The following SCYL1 variants were observed in gnomAD, a reference collection of about 807,000 sequenced individuals.
The protein encoded by SCYL1 is SCY1 like pseudokinase 1.
In SCYL1, 85 loss-of-function variants were observed where a neutral mutation model predicts 94.8. That is an observed-to-expected ratio of 0.90 (90% CI 0.75 to 1.07). The LOEUF is 1.07. Among genes scored for constraint, SCYL1 ranks in the 50% least tolerant of loss-of-function variants. The probability of loss-of-function intolerance (pLI) is 0.00; values close to 1 mark genes in which losing one functional copy is unlikely to be tolerated. For synonymous variants in SCYL1, 459 were observed against 435.5 expected (o/e 1.05, Z -0.67); for missense variants, 968 against 1,083.3 (o/e 0.89, Z 1.49).
intron 10 of SCYL1, chr11:65,535,712 C>T (rs549997175): frequency 7.2e-4 from 412 of 575,520 alleles, no homozygotes; most frequent in African/African-American, 6.7e-3. Context: ...AGCCTGTGTC[C>T]GAGCCCTGGG....
In SCYL1 at chr11:65,525,605, A is replaced by G. The variant is rs758025574; in HGVS notation, c.143A>G (p.Tyr48Cys). 5.6e-6 allele frequency: 9 copies of G among 1,612,700 alleles called. No individual in the cohort carries two copies. Among genetic ancestry groups the G allele is most frequent in the South Asian group, 2.2e-5 (2 of 91,084 alleles). The change falls in exon 2 of 18, where the codon TAT (tyrosine) becomes TGT (cysteine). Residue 48 changes from tyrosine to cysteine, a missense_variant. Coordinates refer to ENST00000270176, the MANE Select transcript of SCYL1 (RefSeq NM_020680.4). ...GGCAGCCCCGTGTCCATCTTCGTCT[A>G]TGATGTGAAGCCTGGCGCGGAAGAG... Reference protein sequence around the residue: ...ATGSPVSIFVYDVKPGAEEQT... With the variant: ...ATGSPVSIFVCDVKPGAEEQT...
Position 65,526,406 on chromosome 11 carries a change from C to T in SCYL1, c.602+56C>T. 7.2e-7 allele frequency: 1 copy of T among 1,386,720 alleles called. No homozygotes were observed. The highest frequency in any genetic ancestry group is 9.9e-7 in the Non-Finnish European group (1 of 1,012,466). 85.9% of individuals were successfully genotyped at this position (1,386,720 alleles called of 1,614,324 possible). A position where few individuals can be genotyped will look rare whatever the true frequency, so the allele number is the denominator to read the frequency against. ...TGCCCTGTCCTGGAGGCCCCTGCAG[C>T]CTCAGGACTCCTAGACTAGTTGGCA... On this transcript the variant is annotated intron_variant, in intron 4 of 17. Transcript: ENST00000270176. This position sits in a 1 kb window ranked among gnomAD's most constrained non-coding sequence, Gnocchi z 4.1.
At position 65,532,875 on chromosome 11, in the gene SCYL1, A is replaced by G. The variant is rs1590734582; in HGVS notation, c.1230+70A>G. The stretch of plus-strand genomic sequence containing the variant: ...GCTTGGAGGGGCTCACCCTAGACAC[A>G]GAGGCCTTGGCTTTGGCCCATGGGT... On this transcript the variant is annotated intron_variant, in intron 9 of 17. Coordinates refer to ENST00000270176, the MANE Select transcript of SCYL1 (RefSeq NM_020680.4). The G allele has an allele frequency of 4.1e-6, 5 of 1,215,884 alleles. No homozygotes were observed. In the East Asian group the frequency reaches 9.6e-5, roughly 23 times the overall value. The allele number at this position is 1,215,884 out of a possible 1,614,324, so 75.3% of individuals were successfully genotyped here.
rs1855097946 is a variant in SCYL1 at position 65,526,641 on chromosome 11, G to C, written c.603-142G>C. On this transcript the variant is annotated intron_variant, in intron 4 of 17. Coordinates refer to ENST00000270176, the MANE Select transcript of SCYL1 (RefSeq NM_020680.4). The surrounding 1 kb of genome is among the most constrained non-coding windows in gnomAD (Gnocchi z 4.1). ...TTTTAATCTGTTAAGTGAGGCTAAT[G>C]AAACCTGCCTCTTGGGACTGATGGC... 5.1e-6 allele frequency: 4 copies of C among 782,050 alleles called. No individual in the cohort carries two copies. The South Asian group carries it at 7.0e-5, about 14-fold the overall frequency. The allele number at this position is 782,050 out of a possible 1,614,324, so 48.4% of individuals were successfully genotyped here.
intron 6 of SCYL1, among the ~76,000 whole-genome samples, chr11:65,530,379 C>T (rs539905561): frequency 4.9e-4 from 74 of 152,328 alleles, no homozygotes; most frequent in African/African-American, 1.7e-3. Flanking sequence ...GAGCATCTGC[C>T]GTGTGCCAGC....
chr11:65,535,152 C>G, intron 9 of SCYL1, 75 bp from the exon 10 acceptor site: 4 of 1,568,122 alleles, frequency 2.6e-6, no homozygotes, highest in Non-Finnish European at 3.5e-6. Flanking sequence ...GGGATGAGGG[C>G]TGCCAGGAGG....
chr11:65,532,772 C>T lies in SCYL1; in HGVS notation c.1197C>T (p.Asp399=), dbSNP rs1855450643. ...IFPHVVHGFL[D]TNPAIREQTV... ...CCCACGTCGTACATGGCTTCCTGGA[C>T]ACCAACCCTGCCATCCGGGAGCAGA... The change falls in exon 9 of 18, where the codon GAC becomes GAT. Residue 399 remains aspartate (D), a synonymous_variant. Transcript: ENST00000270176. 1 of 1,614,124 alleles carries T rather than the reference C, an allele frequency of 6.2e-7. No homozygotes were observed. The highest frequency in any genetic ancestry group is 8.5e-7 in the Non-Finnish European group (1 of 1,179,960).
In SCYL1 at chr11:65,526,412, G is replaced by A; in HGVS notation, c.602+62G>A. The stretch of plus-strand genomic sequence containing the variant: ...GTCCTGGAGGCCCCTGCAGCCTCAG[G>A]ACTCCTAGACTAGTTGGCACTCCCC... On this transcript the variant is annotated intron_variant, in intron 4 of 17. Coordinates refer to ENST00000270176, the MANE Select transcript of SCYL1 (RefSeq NM_020680.4). This position sits in a 1 kb window ranked among gnomAD's most constrained non-coding sequence, Gnocchi z 4.1. 1 of 1,339,746 alleles carries A rather than the reference G, an allele frequency of 7.5e-7. No individual in the cohort carries two copies. The highest frequency in any genetic ancestry group is 1.0e-6 in the Non-Finnish European group (1 of 975,522). The allele number at this position is 1,339,746 out of a possible 1,614,324, so 83.0% of individuals were successfully genotyped here.
chr11:65,527,977 T>A (rs937349772), intron 6 of SCYL1, among the ~76,000 whole-genome samples: 1 of 152,174 alleles, frequency 6.6e-6, no homozygotes, highest in African/African-American at 2.4e-5. Flanking sequence ...ACATTCTGGC[T>A]CTGGTCCCCA....
At chr11:65,536,909 C>A (rs960927322) in intron 13 of SCYL1, 77 bp from the exon 14 acceptor site, 2 of 1,247,684 alleles carry the variant, frequency 1.6e-6, no homozygotes, top group Non-Finnish European at 2.3e-6. Context: ...CCCTTCCCCC[C>A]AGTAGCCCCC....
intron 6 of SCYL1, among the ~76,000 whole-genome samples, chr11:65,527,352 A>C (rs538642943): frequency 3.5e-4 from 54 of 152,256 alleles, no homozygotes; most frequent in African/African-American, 1.3e-3. Flanking sequence ...TGCATGATCT[A>C]CTCCAACACT....
chr11:65,530,020 C>T (rs943459668), intron 6 of SCYL1, among the ~76,000 whole-genome samples: 1 of 152,040 alleles, frequency 6.6e-6, no homozygotes, highest in South Asian at 2.1e-4. Context: ...GGTATTATGG[C>T]CTCAAAGGGG....
chr11:65,531,624 G>A lies in SCYL1; in HGVS notation c.1057G>A (p.Val353Met), dbSNP rs759935935. 6.2e-7 allele frequency: 1 copy of A among 1,614,160 alleles called. No individual in the cohort carries two copies. The highest frequency in any genetic ancestry group is 1.7e-5 in the Admixed American group (1 of 60,022). ...AEEYQQKIIP[V>M]VVKMFSSTDR... is the part of the protein sequence containing the mutation. ...GGAGTATCAGCAGAAGATCATCCCT[G>A]TGGTGGTCAAGATGTTCTCATCCAC... is the stretch of plus-strand genomic sequence containing the variant. The change falls in exon 8 of 18, where the codon GTG (valine) becomes ATG (methionine). Residue 353 changes from valine to methionine, a missense_variant. Physicochemically the swap from Val to Met is conservative, Grantham distance 21. This residue lies in a region of SCYL1 where 494 missense variants were observed against 619.7 expected (regional missense o/e 0.80). Transcript: ENST00000270176.
At chr11:65,529,369 G>A (rs1225408170) in intron 6 of SCYL1, among the ~76,000 whole-genome samples, 1 of 152,220 alleles carries the variant, frequency 6.6e-6, no homozygotes, top group Middle Eastern at 3.2e-3. Context: ...GTACCCCATA[G>A]GAAATAGGGT....
intron 9 of SCYL1, among the ~76,000 whole-genome samples, chr11:65,534,077 A>G (rs1304045426): frequency 6.6e-6 from 1 of 151,508 alleles, no homozygotes; most frequent in African/African-American, 2.4e-5. Flanking sequence ...AAGTACAAAA[A>G]CAATCTAGCC....
rs887226483 is a variant in SCYL1 at position 65,526,238 on chromosome 11, T to C, written c.490T>C (p.Tyr164His). 9 of 1,613,162 alleles carry C rather than the reference T, an allele frequency of 5.6e-6. No homozygotes were observed. Among genetic ancestry groups the C allele is most frequent in the Middle Eastern group, 1.6e-4 (1 of 6,082 alleles). The part of the protein sequence containing the change: ...EWKLGGLDYM[Y>H]SAQGNGGGPP... The stretch of plus-strand genomic sequence containing the variant: ...GAAGCTTGGGGGCCTGGACTACATG[T>C]ATTCGGCCCAGGGCAACGGTGGGGG... The change falls in exon 4 of 18, where the codon TAT (tyrosine) becomes CAT (histidine). Residue 164 changes from tyrosine (Y) to histidine (H), a missense_variant. By Grantham distance (83) the Tyr-to-His change is moderately conservative. This residue lies in a region of SCYL1 where 494 missense variants were observed against 619.7 expected (regional missense o/e 0.80). Transcript: ENST00000270176. The surrounding 1 kb of genome is among the most constrained non-coding windows in gnomAD (Gnocchi z 4.1).
At position 65,526,051 on chromosome 11, in the gene SCYL1, G is replaced by C; in HGVS notation, c.375+8G>C. The C allele has an allele frequency of 6.2e-7, 1 of 1,612,402 alleles. No homozygotes were observed. The highest frequency in any genetic ancestry group is 8.5e-7 in the Non-Finnish European group (1 of 1,179,514). ...GGGCTACACCAGATCGTGGTGAGGT[G>C]GGGGGCAGTGGTGATGAGAGCAGGG... is the stretch of plus-strand genomic sequence containing the variant. On this transcript the variant is annotated splice_region_variant and intron_variant, in intron 3 of 17. Transcript: ENST00000270176. This position sits in a 1 kb window ranked among gnomAD's most constrained non-coding sequence, Gnocchi z 4.1.
chr11:65,535,721 G>A (rs1855603306), intron 10 of SCYL1: 1 of 581,054 alleles, frequency 1.7e-6, no homozygotes, highest in Non-Finnish European at 3.0e-6. Context: ...CCGAGCCCTG[G>A]GGACAGCTGC....
intron 6 of SCYL1, among the ~76,000 whole-genome samples, chr11:65,530,054 G>A (rs543844635): frequency 3.3e-5 from 5 of 152,304 alleles, no homozygotes; most frequent in Admixed American, 6.5e-5. Flanking sequence ...AAAGGAGACC[G>A]TTGAGCTTAC....
Sources: allele counts gnomAD v4.1 joint callset (sites outside exome capture counted in the v4.1 genomes callset), GRCh38; gene constraint gnomAD v4.1.1; regional missense constraint gnomAD v4.1.1; non-coding constraint Gnocchi (gnomAD v3.1); transcripts MANE v1.5; gene names NCBI Gene and HGNC (gene_info 2026-07-23, HGNC 2026-07-21).